The following WWOX variants were observed in gnomAD, a reference collection of about 807,000 sequenced individuals.
WWOX encodes the protein WW domain-containing oxidoreductase.
Under a neutral mutation model 46.2 loss-of-function variants are expected in WWOX, and 69 were observed. The ratio of observed to expected loss-of-function variants is 1.49; its 90% CI spans 1.23 to 1.82. The LOEUF (loss-of-function observed/expected upper bound fraction) is 1.82. Ranked by LOEUF, WWOX falls within the 40% of genes most tolerant of loss-of-function variation. The probability of loss-of-function intolerance (pLI) is 0.00; values close to 1 mark genes in which losing one functional copy is unlikely to be tolerated. For missense variants in WWOX, 919 were observed against 542.6 expected, an observed-to-expected ratio of 1.69 and a Z score of -6.89; for synonymous variants, 359 against 202.6, an observed-to-expected ratio of 1.77 and a Z score of -6.56.
chr16:78,557,689 A>ATTTTTT (rs34068363), intron 8 of WWOX, among the ~76,000 whole-genome samples: 29 of 96,626 alleles, frequency 3.0e-4, no homozygotes, highest in Middle Eastern at 8.1e-3. Flanking sequence ...CTAGGGAAGG[A>ATTTTTT]TTTTTTTTTT....
At chr16:79,024,553 C>T (rs1426971767) in intron 8 of WWOX, among the ~76,000 whole-genome samples, 1 of 152,162 alleles carries the variant, frequency 6.6e-6, no homozygotes, top group African/African-American at 2.4e-5. Flanking sequence ...CCTGCCTCAG[C>T]CTCCCGAGTA....
At chr16:79,103,873 G>T (rs536369230) in intron 8 of WWOX, among the ~76,000 whole-genome samples, 262 of 152,202 alleles carry the variant, frequency 1.7e-3, no homozygotes, top group African/African-American at 6.1e-3. Context: ...GATACACTCT[G>T]TAGGACAAAC....
intron 8 of WWOX, among the ~76,000 whole-genome samples, chr16:79,132,944 T>C (rs376247783): frequency 6.6e-6 from 1 of 152,318 alleles, no homozygotes; most frequent in African/African-American, 2.4e-5. Context: ...GATCTGAGTT[T>C]CGCCTCCTCG....
intron 8 of WWOX, among the ~76,000 whole-genome samples, chr16:78,539,909 T>G (rs1478073105): frequency 6.6e-6 from 1 of 152,094 alleles, no homozygotes; most frequent in Non-Finnish European, 1.5e-5. Flanking sequence ...CCAGTACATA[T>G]TTATAAAACC....
chr16:78,305,170 A>C (rs531504027), intron 5 of WWOX, among the ~76,000 whole-genome samples: 1 of 152,186 alleles, frequency 6.6e-6, no homozygotes, highest in Non-Finnish European at 1.5e-5. Context: ...GTATTAGGCC[A>C]GGACTTCATA....
intron 8 of WWOX, among the ~76,000 whole-genome samples, chr16:79,198,475 A>G (rs555534251): frequency 8.5e-4 from 130 of 152,338 alleles, no homozygotes; most frequent in African/African-American, 2.8e-3. Flanking sequence ...CCCATGGGCA[A>G]TTAAAGCCCT....
chr16:78,810,826 C>T (rs764307622), intron 8 of WWOX, among the ~76,000 whole-genome samples: 9 of 152,132 alleles, frequency 5.9e-5, no homozygotes, highest in African/African-American at 2.2e-4. Flanking sequence ...CTAAAAAAGA[C>T]AAATGACAGC....
At chr16:78,476,801 C>A (rs2084359510) in intron 8 of WWOX, among the ~76,000 whole-genome samples, 2 of 152,028 alleles carry the variant, frequency 1.3e-5, no homozygotes, top group Non-Finnish European at 2.9e-5. Context: ...ACACAATAGG[C>A]AATTGAGATA....
chr16:78,523,792 C>T (rs2043399595), intron 8 of WWOX, among the ~76,000 whole-genome samples: 2 of 152,310 alleles, frequency 1.3e-5, no homozygotes, highest in Middle Eastern at 3.4e-3. Flanking sequence ...CTGGGGGCCT[C>T]TGGAACAGCT....
chr16:78,844,800 T>G (rs1471350782), intron 8 of WWOX, among the ~76,000 whole-genome samples: 3 of 152,098 alleles, frequency 2.0e-5, no homozygotes, highest in African/African-American at 4.8e-5. Context: ...CCGGCCAGAG[T>G]TGGCTGGGGC....
chr16:78,351,442 A>G (rs1212038815), intron 5 of WWOX, among the ~76,000 whole-genome samples: 1 of 152,164 alleles, frequency 6.6e-6, no homozygotes, highest in East Asian at 1.9e-4. Flanking sequence ...CCTGGCCCCC[A>G]GGGATGGGGT....
chr16:78,745,135 T>G (rs902927810), intron 8 of WWOX, among the ~76,000 whole-genome samples: 9 of 152,184 alleles, frequency 5.9e-5, no homozygotes, highest in African/African-American at 1.7e-4. Flanking sequence ...GAGTGGAGTT[T>G]GAATATGAAC....
chr16:78,956,345 G>C (rs1597204015), intron 8 of WWOX, among the ~76,000 whole-genome samples: 1 of 151,876 alleles, frequency 6.6e-6, no homozygotes, highest in Non-Finnish European at 1.5e-5. Flanking sequence ...AGTGAAGGCG[G>C]AGTTTCACCA....
In WWOX at chr16:78,702,831, A is replaced by G. The variant is rs2048253427; in HGVS notation, c.1056+270079A>G. On this transcript the variant is annotated intron_variant, in intron 8 of 8. Transcript: ENST00000566780. ...GTGCTGCGGGTCGAGGGAAACACAT[A>G]ACTGGAACAACTGTCCTTTTCCACC... Among the ~76,000 whole-genome samples, 2 of 152,154 alleles carry G rather than the reference A, an allele frequency of 1.3e-5. 1 individual carries two copies. The highest frequency in any genetic ancestry group is 1.3e-4 in the Admixed American group (2 of 15,274).
intron 8 of WWOX, among the ~76,000 whole-genome samples, chr16:78,919,341 G>A (rs980828292): frequency 6.6e-6 from 1 of 151,892 alleles, no homozygotes; most frequent in African/African-American, 2.4e-5. Context: ...AGGGCAAGTG[G>A]TAGATTCTAG....
At chr16:79,144,270 C>G (rs2050144374) in intron 8 of WWOX, among the ~76,000 whole-genome samples, 1 of 152,178 alleles carries the variant, frequency 6.6e-6, no homozygotes, top group Admixed American at 6.5e-5. Flanking sequence ...CTGTGTGGGC[C>G]TGGTCAACCT....
chr16:78,585,010 C>G (rs1184367235), intron 8 of WWOX, among the ~76,000 whole-genome samples: 1 of 152,182 alleles, frequency 6.6e-6, no homozygotes, highest in Non-Finnish European at 1.5e-5. Flanking sequence ...CCGAGATGAC[C>G]GCTTGACCTA....
intron 8 of WWOX, among the ~76,000 whole-genome samples, chr16:78,867,259 T>G (rs1208541845): frequency 6.6e-6 from 1 of 152,206 alleles, no homozygotes; most frequent in Non-Finnish European, 1.5e-5. Flanking sequence ...AGTGAACATC[T>G]TGGCTTGGTT....
At chr16:78,943,221 C>G (rs763034549) in intron 8 of WWOX, among the ~76,000 whole-genome samples, 9 of 151,940 alleles carry the variant, frequency 5.9e-5, no homozygotes, top group African/African-American at 9.7e-5. Flanking sequence ...TAACCTCTTC[C>G]TTTTTCTGTT....
Sources: gnomAD v4.1 joint callset for allele counts (sites outside exome capture counted in the v4.1 genomes callset) on GRCh38, gnomAD v4.1.1 for gene constraint, MANE v1.5 for transcripts, NCBI Gene and HGNC (gene_info 2026-07-23, HGNC 2026-07-21) for gene names.